The following ARFGEF3 variants were observed in gnomAD, a reference collection of about 807,000 sequenced individuals.
ARFGEF3 encodes ARFGEF family member 3, also known as brefeldin A-inhibited guanine nucleotide-exchange protein 3.
ARFGEF3 carries 96 observed loss-of-function variants against 221.7 expected under a neutral mutation model. The observed-to-expected ratio is 0.43, with a 90% confidence interval of 0.37 to 0.51. The LOEUF (loss-of-function observed/expected upper bound fraction) is 0.51, where lower values mean the gene tolerates loss of function less well. Ranked by LOEUF, ARFGEF3 falls within the 20% of genes least tolerant of loss-of-function variation. The pLI, the probability that ARFGEF3 is intolerant of heterozygous loss-of-function variation, is 0.00. For missense variants in ARFGEF3, 2,410 were observed against 2,789.9 expected (o/e 0.86, Z 3.07); for synonymous variants, 1,145 against 1,126.8 (o/e 1.02, Z -0.32).
At chr6:138,318,392 A>G (rs1779964098) in intron 27 of ARFGEF3, among the ~76,000 whole-genome samples, 1 of 152,256 alleles carries the variant, frequency 6.6e-6, no homozygotes, top group Admixed American at 6.5e-5. Context: ...AATTGTATAT[A>G]TAAGATGTTT....
intron 10 of ARFGEF3, among the ~76,000 whole-genome samples, chr6:138,258,004 C>T (rs975020880): frequency 2.6e-5 from 4 of 152,204 alleles, no homozygotes; most frequent in Non-Finnish European, 5.9e-5. Context: ...GCCTCCCTCT[C>T]CTGCCTGTTT....
At position 138,263,183 on chromosome 6, in the gene ARFGEF3, A is replaced by ACAC. The variant is rs1562372087; in HGVS notation, c.1701_1703dup (p.Thr568dup). 6.2e-7 allele frequency: 1 copy of ACAC among 1,614,048 alleles called. No homozygotes were observed. The highest frequency in any genetic ancestry group is 2.2e-5 in the East Asian group (1 of 44,890). The stretch of plus-strand genomic sequence containing the variant: ...CAGCCAGATGTCGTGCAGAGAAGCC[A>ACAC]CACGGTCCCTTACCCTGACATAACT... On this transcript the variant is annotated inframe_insertion, in exon 12 of 34. Transcript: ENST00000251691.
At chr6:138,205,184 C>T (rs1777605421) in intron 2 of ARFGEF3, among the ~76,000 whole-genome samples, 1 of 152,222 alleles carries the variant, frequency 6.6e-6, no homozygotes, top group Non-Finnish European at 1.5e-5. Flanking sequence ...CTGGACATGG[C>T]ATCCAATCTT....
At chr6:138,302,849 G>A (rs551756168) in intron 22 of ARFGEF3, among the ~76,000 whole-genome samples, 1 of 152,240 alleles carries the variant, frequency 6.6e-6, no homozygotes, top group East Asian at 1.9e-4. Context: ...CACAAATTTG[G>A]AGAATATCTT....
chr6:138,241,191 G>A (rs1334713972), intron 6 of ARFGEF3, among the ~76,000 whole-genome samples: 2 of 152,102 alleles, frequency 1.3e-5, no homozygotes, highest in African/African-American at 2.4e-5. Flanking sequence ...CTTTAGATCC[G>A]CAATCTAGGT....
rs1042080306 is a variant in ARFGEF3 at position 138,172,305 on chromosome 6, T to C, written c.137+1592T>C. Reference sequence around the variant, plus strand: ...TCAATTTCCTGGCCCCCAACTTCTATAAGTCTCCTTTCTTAAAACTGATTT... The same window carrying C: ...TCAATTTCCTGGCCCCCAACTTCTACAAGTCTCCTTTCTTAAAACTGATTT... On this transcript the variant is annotated intron_variant, in intron 2 of 33. Coordinates refer to ENST00000251691, the MANE Select transcript of ARFGEF3 (RefSeq NM_020340.5). Among the ~76,000 whole-genome samples, 3 of 152,326 alleles carry C rather than the reference T, an allele frequency of 2.0e-5. No homozygotes were observed. In the East Asian group the frequency reaches 5.8e-4, roughly 29 times the overall value.
At chr6:138,188,521 C>T (rs1209001814) in intron 2 of ARFGEF3, among the ~76,000 whole-genome samples, 6 of 152,296 alleles carry the variant, frequency 3.9e-5, no homozygotes, top group Middle Eastern at 3.4e-3. Context: ...GCACATGTCT[C>T]GTTTGGAAAG....
chr6:138,229,735 C>G, intron 4 of ARFGEF3, 49 bp from the exon 5 acceptor site: 1 of 1,405,300 alleles, frequency 7.1e-7, no homozygotes. Context: ...CAGTGAATTT[C>G]CATACTGTTA....
At chr6:138,202,600 T>A (rs978351618) in intron 2 of ARFGEF3, among the ~76,000 whole-genome samples, 8 of 151,966 alleles carry the variant, frequency 5.3e-5, no homozygotes, top group Non-Finnish European at 1.0e-4. Flanking sequence ...AGTAAACTGT[T>A]TTCATTCACG....
intron 12 of ARFGEF3, among the ~76,000 whole-genome samples, chr6:138,264,227 T>C (rs1778844385): frequency 6.6e-6 from 1 of 152,158 alleles, no homozygotes; most frequent in African/African-American, 2.4e-5. Context: ...GCTGGTATTA[T>C]TGAAGGGCAG....
intron 6 of ARFGEF3, among the ~76,000 whole-genome samples, chr6:138,242,352 A>G (rs1279124266): frequency 6.6e-6 from 1 of 152,166 alleles, no homozygotes; most frequent in Non-Finnish European, 1.5e-5. Context: ...CCCTTCCCTC[A>G]CAGTTCTGTC....
intron 1 of ARFGEF3, among the ~76,000 whole-genome samples, chr6:138,163,551 G>A (rs1050003748): frequency 1.3e-5 from 2 of 152,124 alleles, no homozygotes. Context: ...CCTAGTATTC[G>A]TTATTATTTT....
intron 1 of ARFGEF3, among the ~76,000 whole-genome samples, chr6:138,170,021 A>T (rs139502726): frequency 6.6e-6 from 1 of 152,332 alleles, no homozygotes; most frequent in East Asian, 1.9e-4. Flanking sequence ...GAAGTAGTAC[A>T]GTTTTTTGGG....
chr6:138,285,038 A>C (rs1393130564), intron 14 of ARFGEF3, among the ~76,000 whole-genome samples: 1 of 152,226 alleles, frequency 6.6e-6, no homozygotes, highest in African/African-American at 2.4e-5. Flanking sequence ...ATGGTTGACC[A>C]AAACATCATT....
chr6:138,225,446 C>T (rs1003526179), intron 4 of ARFGEF3, among the ~76,000 whole-genome samples: 1 of 152,230 alleles, frequency 6.6e-6, no homozygotes, highest in African/African-American at 2.4e-5. Flanking sequence ...AGTCTGTCTT[C>T]TCCAAAGTTA....
chr6:138,232,640 C>G (rs908776505), intron 5 of ARFGEF3, among the ~76,000 whole-genome samples: 1 of 152,108 alleles, frequency 6.6e-6, no homozygotes, highest in African/African-American at 2.4e-5. Context: ...TTGTTTTTTC[C>G]TCTAAGGTTC....
intron 1 of ARFGEF3, among the ~76,000 whole-genome samples, chr6:138,167,892 C>A (rs909867360): frequency 3.3e-5 from 5 of 152,180 alleles, no homozygotes; most frequent in African/African-American, 1.2e-4. Context: ...TCCAGCCGTA[C>A]ATGGCCTGGC....
intron 2 of ARFGEF3, among the ~76,000 whole-genome samples, chr6:138,202,271 G>T (rs763646325): frequency 2.6e-5 from 4 of 152,296 alleles, no homozygotes; most frequent in Non-Finnish European, 5.9e-5. Context: ...TACAGTGTGT[G>T]CAAAGGGGAT....
chr6:138,243,000 G>T lies in ARFGEF3; in HGVS notation c.586+6G>T. The T allele has an allele frequency of 6.2e-7, 1 of 1,610,050 alleles. No homozygotes were observed. ...ACAGGATTTCGGGAATCAAGGTATG[G>T]CATTTGATTTGTACTAGTTCAGTTT... On this transcript the variant is annotated splice_donor_region_variant and intron_variant, in intron 7 of 33. Transcript: ENST00000251691.
Sources: allele counts gnomAD v4.1 joint callset (sites outside exome capture counted in the v4.1 genomes callset), GRCh38; gene constraint gnomAD v4.1.1; transcripts MANE v1.5; gene names NCBI Gene and HGNC (gene_info 2026-07-23, HGNC 2026-07-21).